TBC1D4: variants seen among roughly 807,000 people sequenced by gnomAD.
TBC1D4 encodes the protein TBC (Tre-2, BUB2, CDC16) domain-containing protein.
A neutral mutation model predicts 142.5 loss-of-function variants in TBC1D4; 121 were observed. The observed-to-expected ratio is 0.85, with a 90% CI of 0.73 to 0.99. TBC1D4 has a LOEUF of 0.99. Ranked by LOEUF, TBC1D4 falls within the 50% of genes least tolerant of loss-of-function variation. TBC1D4 has a pLI of 0.00. For synonymous variants in TBC1D4, 630 were observed against 628.2 expected (o/e 1.00, Z -0.04); for missense variants, 1,475 against 1,606.6 (o/e 0.92, Z 1.40).
intron 20 of TBC1D4, 37 bp downstream of exon 20, chr13:75,288,897 T>C (rs191287038): frequency 6.3e-5 from 101 of 1,603,068 alleles, no homozygotes; most frequent in South Asian, 2.1e-4. Flanking sequence ...GCAGGAGGCA[T>C]TGAAGTACTT....
chr13:75,456,896 C>T (rs1887758840), intron 1 of TBC1D4, among the ~76,000 whole-genome samples: 2 of 151,552 alleles, frequency 1.3e-5, no homozygotes, highest in South Asian at 2.1e-4. Context: ...CAATACAAAG[C>T]CCATCAGCAG....
chr13:75,296,626 C>G (rs1189567894), intron 17 of TBC1D4, among the ~76,000 whole-genome samples: 2 of 151,858 alleles, frequency 1.3e-5, no homozygotes, highest in African/African-American at 2.4e-5. Context: ...TCAATTCCAC[C>G]TTATAGATAC....
At chr13:75,460,499 C>T (rs977635595) in intron 1 of TBC1D4, among the ~76,000 whole-genome samples, 5 of 151,762 alleles carry the variant, frequency 3.3e-5, no homozygotes, top group Admixed American at 6.6e-5. Flanking sequence ...CAGGTGGGCA[C>T]GAGGAATGAT....
intron 1 of TBC1D4, among the ~76,000 whole-genome samples, chr13:75,377,707 T>C (rs1203486509): frequency 6.7e-6 from 1 of 148,614 alleles, no homozygotes; most frequent in Non-Finnish European, 1.5e-5. Context: ...ATATATTATA[T>C]ATATATATAT....
chr13:75,327,231 G>A (rs991574536), intron 9 of TBC1D4, among the ~76,000 whole-genome samples: 3 of 152,072 alleles, frequency 2.0e-5, no homozygotes, highest in Non-Finnish European at 4.4e-5. Context: ...TCCATCAACA[G>A]AAAGTTTAAC....
At chr13:75,378,507 T>G (rs1238836300) in intron 1 of TBC1D4, among the ~76,000 whole-genome samples, 2 of 152,120 alleles carry the variant, frequency 1.3e-5, no homozygotes, top group Non-Finnish European at 2.9e-5. Flanking sequence ...GGCATGACAA[T>G]AGAATTTTCT....
At chr13:75,292,314 C>T (rs1306303929) in intron 18 of TBC1D4, 43 bp from the exon 19 acceptor site, 2 of 1,541,902 alleles carry the variant, frequency 1.3e-6, no homozygotes, top group South Asian at 2.3e-5. Context: ...ACTATGCATC[C>T]ACTCTTGTAA....
chr13:75,364,114 G>A (rs1882756958), intron 1 of TBC1D4, among the ~76,000 whole-genome samples: 1 of 152,180 alleles, frequency 6.6e-6, no homozygotes, highest in Non-Finnish European at 1.5e-5. Flanking sequence ...GGGCGGTGCA[G>A]TTCCAGATCG....
At chr13:75,319,129 G>A (rs1878544131) in intron 12 of TBC1D4, among the ~76,000 whole-genome samples, 1 of 152,212 alleles carries the variant, frequency 6.6e-6, no homozygotes, top group Admixed American at 6.5e-5. Context: ...AACCATGACT[G>A]AGACTTGCCA....
intron 1 of TBC1D4, among the ~76,000 whole-genome samples, chr13:75,440,969 G>C (rs1887013454): frequency 6.6e-6 from 1 of 152,048 alleles, no homozygotes; most frequent in Non-Finnish European, 1.5e-5. Flanking sequence ...TTTTAAAAAA[G>C]AGGACAGGCC....
chr13:75,338,230 A>C (rs1309383748), intron 7 of TBC1D4, among the ~76,000 whole-genome samples: 1 of 152,014 alleles, frequency 6.6e-6, no homozygotes, highest in Non-Finnish European at 1.5e-5. Flanking sequence ...CAGCTCCATC[A>C]AATCAGTTAA....
intron 19 of TBC1D4, among the ~76,000 whole-genome samples, chr13:75,290,347 A>G (rs750346206): frequency 6.6e-6 from 1 of 152,088 alleles, no homozygotes; most frequent in Non-Finnish European, 1.5e-5. Flanking sequence ...TAATATCAGC[A>G]TTTCATTCCA....
chr13:75,409,363 C>A (rs150583016), intron 1 of TBC1D4, among the ~76,000 whole-genome samples: 1 of 152,200 alleles, frequency 6.6e-6, no homozygotes, highest in Admixed American at 6.5e-5. Flanking sequence ...ACTGTATGCT[C>A]ACTCCCTCCC....
At position 75,362,674 on chromosome 13, in the gene TBC1D4, C is replaced by G. The variant is rs747124815; in HGVS notation, c.499-67G>C. On this transcript the variant is annotated intron_variant, in intron 1 of 20. Coordinates refer to ENST00000377636, the MANE Select transcript of TBC1D4 (RefSeq NM_014832.5). The surrounding 1 kb of genome is among the most constrained non-coding windows in gnomAD (Gnocchi z 4.2). ...TGAGACAATTTACATTTACCTAGCC[C>G]AATTATTACCACATGGAATGTATTT... The G allele has an allele frequency of 6.7e-7, 1 of 1,499,898 alleles. No homozygotes were observed. The allele number at this position is 1,499,898 out of a possible 1,614,324, so 92.9% of individuals were successfully genotyped here. A position where few individuals can be genotyped will look rare whatever the true frequency, so the allele number is the denominator to read the frequency against.
At chr13:75,404,590 A>C (rs1385037777) in intron 1 of TBC1D4, among the ~76,000 whole-genome samples, 1 of 152,138 alleles carries the variant, frequency 6.6e-6, no homozygotes, top group Non-Finnish European at 1.5e-5. Flanking sequence ...GGTTTTAGGG[A>C]GGAAGACCAC....
chr13:75,296,582 G>A (rs181444550), intron 17 of TBC1D4, among the ~76,000 whole-genome samples: 2 of 152,210 alleles, frequency 1.3e-5, no homozygotes, highest in Admixed American at 1.3e-4. Flanking sequence ...AAGCTTTAAT[G>A]ATAAAATTCT....
intron 15 of TBC1D4, chr13:75,302,895 C>T (rs1205182887): frequency 5.5e-6 from 1 of 181,242 alleles, no homozygotes; most frequent in Non-Finnish European, 1.2e-5. Flanking sequence ...GTATTACTGC[C>T]TATTTTCACT....
intron 1 of TBC1D4, among the ~76,000 whole-genome samples, chr13:75,463,173 C>T (rs1223727879): frequency 8.2e-5 from 3 of 36,710 alleles, no homozygotes; most frequent in Non-Finnish European, 1.6e-4. Context: ...TTTTCACTAA[C>T]ACTATAGAAA....
At chr13:75,378,565 T>C (rs1013020224) in intron 1 of TBC1D4, among the ~76,000 whole-genome samples, 1 of 152,120 alleles carries the variant, frequency 6.6e-6, no homozygotes, top group Admixed American at 6.5e-5. Flanking sequence ...TCTTTTAGTG[T>C]AGGAGTTAGC....
Sources: allele counts gnomAD v4.1 joint callset (sites outside exome capture counted in the v4.1 genomes callset), GRCh38; gene constraint gnomAD v4.1.1; non-coding constraint Gnocchi (gnomAD v3.1); transcripts MANE v1.5; gene names NCBI Gene and HGNC (gene_info 2026-07-23, HGNC 2026-07-21).